PTPRN2: variants seen among roughly 807,000 people sequenced by gnomAD.
The protein encoded by PTPRN2 is receptor-type tyrosine-protein phosphatase N2.
In PTPRN2, 74 loss-of-function variants were observed where a neutral mutation model predicts 118.8. That is an observed-to-expected ratio of 0.62 (90% CI 0.52 to 0.76). PTPRN2 has a LOEUF of 0.76. PTPRN2 is among the 30% of genes least tolerant of loss of function. PTPRN2 has a pLI of 0.00. For synonymous variants in PTPRN2, 641 were observed against 608.0 expected, an observed-to-expected ratio of 1.05 and a Z score of -0.80; for missense variants, 1,481 against 1,394.4, an observed-to-expected ratio of 1.06 and a Z score of -0.99.
In PTPRN2 at chr7:157,898,703, T is replaced by C. The variant is rs747327689; in HGVS notation, c.1758A>G (p.Gly586=). 3 of 1,608,114 alleles carry C rather than the reference T, an allele frequency of 1.9e-6. No individual in the cohort carries two copies. Among genetic ancestry groups the C allele is most frequent in the Middle Eastern group, 1.7e-4 (1 of 6,046 alleles). The change falls in exon 12 of 23, where the codon GGA becomes GGG. Residue 586 remains glycine, a synonymous_variant. Transcript: ENST00000389418. ...DNKDKLEETS[G]LKILQTGVGS... ...CGACTCCGGTTTGAAGAATTTTCAG[T>C]CCAGAGGTTTCCTCCAGTTTGTCTT...
chr7:158,422,142 C>T (rs549559811), intron 2 of PTPRN2, among the ~76,000 whole-genome samples: 1 of 152,228 alleles, frequency 6.6e-6, no homozygotes, highest in South Asian at 2.1e-4. Flanking sequence ...ATTAATTTTA[C>T]GAGCTGACTG....
intron 1 of PTPRN2, among the ~76,000 whole-genome samples, chr7:158,524,052 A>T (rs368112772): frequency 9.6e-4 from 53 of 55,368 alleles, no homozygotes; most frequent in East Asian, 1.9e-3. Flanking sequence ...TCTGCCCTGG[A>T]GTGGAGTCGT....
At chr7:157,576,186 C>T (rs947814025) in intron 19 of PTPRN2, among the ~76,000 whole-genome samples, 6 of 152,178 alleles carry the variant, frequency 3.9e-5, no homozygotes, top group Non-Finnish European at 8.8e-5. Context: ...GGCTAAGTGT[C>T]TCCGGGCTTC....
intron 11 of PTPRN2, among the ~76,000 whole-genome samples, chr7:158,055,595 T>C (rs1403958391): frequency 6.6e-6 from 1 of 152,202 alleles, no homozygotes; most frequent in Non-Finnish European, 1.5e-5. Flanking sequence ...GTGTTTTAGA[T>C]AGCAGTAGCA....
At chr7:158,071,351 G>A (rs1380490988) in intron 11 of PTPRN2, among the ~76,000 whole-genome samples, 2 of 109,164 alleles carry the variant, frequency 1.8e-5, no homozygotes, top group African/African-American at 3.6e-5. Context: ...AGGTGCTCGT[G>A]GTGGTGGAGG....
At chr7:157,643,986 AC>A (rs1804868544) in intron 14 of PTPRN2, among the ~76,000 whole-genome samples, 1 of 152,324 alleles carries the variant, frequency 6.6e-6, no homozygotes, top group East Asian at 1.9e-4. Context: ...TGGCTGGAAG[AC>A]CAGGGGCCTC....
In PTPRN2 at chr7:157,910,737, C is replaced by A. The variant is rs960990350; in HGVS notation, c.1724-12000G>T. Among the ~76,000 whole-genome samples the A allele has an allele frequency of 2.6e-5, 4 of 152,154 alleles. No homozygotes were observed. The East Asian group carries it at 5.8e-4, about 22-fold the overall frequency. The stretch of plus-strand genomic sequence containing the variant: ...GTGTGTGTGTGTGCGAGCGCGCGTG[C>A]GCCCCTGCGATCAGCCCAGCAGACA... On this transcript the variant is annotated intron_variant, in intron 11 of 22. Transcript: ENST00000389418.
intron 12 of PTPRN2, among the ~76,000 whole-genome samples, chr7:157,772,150 CACAA>C (rs1399275570): frequency 2.7e-5 from 4 of 150,908 alleles, no homozygotes; most frequent in Non-Finnish European, 4.4e-5. Context: ...CACACACAGA[CACAA>C]ACACACACAC....
At chr7:158,328,677 A>G (rs1440932011) in intron 2 of PTPRN2, among the ~76,000 whole-genome samples, 4 of 151,834 alleles carry the variant, frequency 2.6e-5, no homozygotes, top group East Asian at 1.9e-4. Context: ...GGGATGGTAT[A>G]TCCAGGAGAG....
chr7:158,351,889 C>T (rs1334686943), intron 2 of PTPRN2, among the ~76,000 whole-genome samples: 2 of 81,484 alleles, frequency 2.5e-5, no homozygotes, highest in African/African-American at 4.1e-5. Flanking sequence ...CCTGTCTGCT[C>T]GCCTCCTGTC....
chr7:158,471,485 C>G (rs752738325), intron 2 of PTPRN2, among the ~76,000 whole-genome samples: 1 of 152,162 alleles, frequency 6.6e-6, no homozygotes, highest in African/African-American at 2.4e-5. Context: ...GTCAGGAGAT[C>G]GAGACCAACC....
intron 12 of PTPRN2, among the ~76,000 whole-genome samples, chr7:157,776,380 CA>C (rs1563096474): frequency 9.9e-6 from 1 of 101,324 alleles, no homozygotes; most frequent in Non-Finnish European, 2.1e-5. Flanking sequence ...TCTTCTTCCT[CA>C]CTCTCCTCCT....
At chr7:157,865,616 C>T (rs899913000) in intron 12 of PTPRN2, 2 of 152,328 alleles carry the variant, frequency 1.3e-5, no homozygotes, top group Non-Finnish European at 2.9e-5. Context: ...CAGCGAGTGC[C>T]AGGAGGATCT....
chr7:158,007,733 T>C (rs1437786380), intron 11 of PTPRN2, among the ~76,000 whole-genome samples: 1 of 152,006 alleles, frequency 6.6e-6, no homozygotes, highest in African/African-American at 2.4e-5. Context: ...GCATTGCATG[T>C]GTGTGAGGGT....
Position 157,674,789 on chromosome 7 carries a change from C to T in PTPRN2, c.2001+7936G>A, listed in dbSNP as rs529686967. Among the ~76,000 whole-genome samples, 25 of 152,378 alleles carry T rather than the reference C, an allele frequency of 1.6e-4. No homozygotes were observed. The highest frequency in any genetic ancestry group is 5.5e-4 in the African/African-American group (23 of 41,604). ...CCTGTCGTGTGCACGAGGCTGTCACCTGGAGATTCCGGCCCTGCCGGGCGT... is the reference window on the plus strand; with the variant it reads ...CCTGTCGTGTGCACGAGGCTGTCACTTGGAGATTCCGGCCCTGCCGGGCGT... On this transcript the variant is annotated intron_variant, in intron 13 of 22. Coordinates refer to ENST00000389418, the MANE Select transcript of PTPRN2 (RefSeq NM_002847.5). The surrounding 1 kb of genome is among the most constrained non-coding windows in gnomAD (Gnocchi z 4.5).
At position 158,139,740 on chromosome 7, in the gene PTPRN2, C is replaced by T. The variant is rs892845948; in HGVS notation, c.911-1225G>A. On this transcript the variant is annotated intron_variant, in intron 6 of 22. Transcript: ENST00000389418. ...ATGAGAATGGAAAGGGTCCCAGGAG[C>T]GCAGAGGCCGCCAGACACCCTGCAT... Among the ~76,000 whole-genome samples, 11 of 152,096 alleles carry T rather than the reference C, an allele frequency of 7.2e-5. No individual in the cohort carries two copies. The South Asian group carries it at 1.0e-3, about 14-fold the overall frequency.
intron 1 of PTPRN2, among the ~76,000 whole-genome samples, chr7:158,520,669 A>G (rs1019255578): frequency 2.6e-5 from 4 of 152,194 alleles, no homozygotes; most frequent in African/African-American, 9.7e-5. Flanking sequence ...TAGCACTTAC[A>G]TGGTTTTTTA....
At chr7:158,079,090 A>C (rs371991463) in intron 11 of PTPRN2, among the ~76,000 whole-genome samples, 1 of 152,126 alleles carries the variant, frequency 6.6e-6, no homozygotes, top group East Asian at 1.9e-4. Context: ...TGACCCGCCC[A>C]CCTTGGCCTC....
chr7:158,576,225 T>G (rs1586971212), intron 1 of PTPRN2, among the ~76,000 whole-genome samples: 1 of 152,316 alleles, frequency 6.6e-6, no homozygotes, highest in Middle Eastern at 3.4e-3. Flanking sequence ...AGCCAGGCAC[T>G]GCCAGCCCGG....
Sources: gnomAD v4.1 joint callset for allele counts (sites outside exome capture counted in the v4.1 genomes callset) on GRCh38, gnomAD v4.1.1 for gene constraint, Gnocchi (gnomAD v3.1) non-coding constraint, MANE v1.5 for transcripts, NCBI Gene and HGNC (gene_info 2026-07-23, HGNC 2026-07-21) for gene names.